Variants in DPYS observed in about 807,000 individuals in gnomAD.
The protein encoded by DPYS is dihydropyrimidine amidohydrolase.
DPYS carries 39 observed loss-of-function variants against 50.3 expected under a neutral mutation model. That is an observed-to-expected ratio of 0.78 (90% CI 0.60 to 1.01). The LOEUF is 1.01. DPYS is among the 50% of genes least tolerant of loss of function. DPYS has a pLI of 0.00. For synonymous variants in DPYS, 245 were observed against 250.7 expected, an observed-to-expected ratio of 0.98 and a Z score of 0.22; for missense variants, 659 against 680.9, an observed-to-expected ratio of 0.97 and a Z score of 0.36.
rs549914293 is a variant in DPYS at position 104,389,802 on chromosome 8, T to C, written c.1443+2982A>G. 2.0e-5 allele frequency among the ~76,000 whole-genome samples: 3 copies of C among 152,312 alleles called. No individual in the cohort carries two copies. In the East Asian group the frequency reaches 5.8e-4, roughly 29 times the overall value. ...TGCTCAAAACAGCACATGATAACTA[T>C]CATTTATTGGTATTTTTAAAACAAT... On this transcript the variant is annotated intron_variant, in intron 8 of 9. Coordinates refer to ENST00000351513, the MANE Select transcript of DPYS (RefSeq NM_001385.3).
At chr8:104,414,500 TA>T (rs374548162) in intron 7 of DPYS, among the ~76,000 whole-genome samples, 133 of 149,544 alleles carry the variant, frequency 8.9e-4, no homozygotes, top group African/African-American at 2.5e-3. Flanking sequence ...CCTCTGCTCT[TA>T]AAAAAAAAAT....
intron 1 of DPYS, among the ~76,000 whole-genome samples, chr8:104,455,354 A>T (rs922832749): frequency 2.0e-4 from 31 of 152,162 alleles, no homozygotes; most frequent in Non-Finnish European, 5.9e-5. Context: ...AATTAAGGTG[A>T]CTGGGGACCA....
chr8:104,420,672 T>C (rs960260646), intron 7 of DPYS: 2 of 135,138 alleles, frequency 1.5e-5, no homozygotes, highest in African/African-American at 5.6e-5. Context: ...ATCAATTCAA[T>C]ATACCCTGAG....
Position 104,394,843 on chromosome 8 carries a change from G to A in DPYS, c.1236-1852C>T, listed in dbSNP as rs118043279. ...GAGCATCTAGTATGTCAGGGAGATC[G>A]TTTATAACATCTTATTTCATCTTTA... On this transcript the variant is annotated intron_variant, in intron 7 of 9. Transcript: ENST00000351513. 7.2e-3 allele frequency among the ~76,000 whole-genome samples: 1,057 copies of A among 147,592 alleles called. 7 individuals are homozygous for A. The highest frequency in any genetic ancestry group is 8.9e-3 in the Non-Finnish European group (599 of 67,186).
intron 7 of DPYS, among the ~76,000 whole-genome samples, chr8:104,410,870 C>G (rs574329153): frequency 4.6e-5 from 7 of 152,222 alleles, no homozygotes; most frequent in African/African-American, 1.7e-4. Context: ...TCATTTGCCC[C>G]TGACTCCACC....
At chr8:104,394,937 T>G (rs1046956341) in intron 7 of DPYS, among the ~76,000 whole-genome samples, 2 of 151,214 alleles carry the variant, frequency 1.3e-5, no homozygotes, top group Non-Finnish European at 2.9e-5. Flanking sequence ...TTTAGAAAGG[T>G]TATATCACTT....
intron 2 of DPYS, among the ~76,000 whole-genome samples, chr8:104,449,963 A>AC (rs1167287894): frequency 6.6e-6 from 1 of 151,974 alleles, no homozygotes; most frequent in Non-Finnish European, 1.5e-5. Flanking sequence ...CAAACGAATA[A>AC]CCCCCCTGAA....
intron 7 of DPYS, among the ~76,000 whole-genome samples, chr8:104,415,832 T>C (rs1321681539): frequency 2.0e-5 from 3 of 152,182 alleles, no homozygotes; most frequent in Admixed American, 1.3e-4. Flanking sequence ...TATCTTTTGG[T>C]CCTGTCTGAA....
At chr8:104,428,571 G>A (rs549032277) in intron 5 of DPYS, among the ~76,000 whole-genome samples, 196 of 152,328 alleles carry the variant, frequency 1.3e-3, no homozygotes, top group African/African-American at 4.4e-3. Context: ...CAGGCCCTCC[G>A]GGGCAGTCCC....
Position 104,408,713 on chromosome 8 carries a change from C to G in DPYS, c.1235+15534G>C, listed in dbSNP as rs190172173. On this transcript the variant is annotated intron_variant, in intron 7 of 9. Coordinates refer to ENST00000351513, the MANE Select transcript of DPYS (RefSeq NM_001385.3). ...GACCTAACATTAAAAAAATTATATA[C>G]AGAGTCATTCCTTGAGGCCACTAGT... Among the ~76,000 whole-genome samples, 310 of 152,190 alleles carry G rather than the reference C, an allele frequency of 2.0e-3. 1 individual carries two copies. Among genetic ancestry groups the G allele is most frequent in the African/African-American group, 5.6e-3 (231 of 41,524 alleles).
At chr8:104,399,317 CA>C (rs1168182202) in intron 7 of DPYS, among the ~76,000 whole-genome samples, 39 of 125,298 alleles carry the variant, frequency 3.1e-4, no homozygotes, top group African/African-American at 8.7e-4. Context: ...AAAACAACAA[CA>C]AAAAAAAACC....
At chr8:104,466,526 C>T in intron 1 of DPYS, 131 bp downstream of exon 1, 6 of 1,095,674 alleles carry the variant, frequency 5.5e-6, no homozygotes, top group Non-Finnish European at 7.3e-6. Flanking sequence ...CGGGGCTGCG[C>T]TCCTTCCCGC....
intron 2 of DPYS, 102 bp downstream of exon 2, chr8:104,451,144 C>T (rs1813721562): frequency 1.4e-5 from 21 of 1,467,152 alleles, no homozygotes; most frequent in Non-Finnish European, 2.0e-5. Flanking sequence ...CCAGTTCTGT[C>T]CTCCTGTTGT....
At chr8:104,399,341 A>G (rs1371096822) in intron 7 of DPYS, among the ~76,000 whole-genome samples, 2 of 150,334 alleles carry the variant, frequency 1.3e-5, no homozygotes, top group African/African-American at 4.9e-5. Context: ...GAAAACCCAC[A>G]TCCAGGCTCT....
intron 8 of DPYS, among the ~76,000 whole-genome samples, chr8:104,387,287 T>G (rs1811242382): frequency 6.6e-6 from 1 of 152,204 alleles, no homozygotes; most frequent in Non-Finnish European, 1.5e-5. Flanking sequence ...ATATCTCAAT[T>G]TAATCCTTAA....
chr8:104,435,004 A>G (rs1283235107), intron 4 of DPYS, among the ~76,000 whole-genome samples: 1 of 152,198 alleles, frequency 6.6e-6, no homozygotes, highest in Non-Finnish European at 1.5e-5. Context: ...GCTTTGAGAA[A>G]TTGTCACCAT....
At chr8:104,457,745 A>C (rs11783979) in intron 1 of DPYS, among the ~76,000 whole-genome samples, 93,635 of 152,054 alleles carry the variant, frequency 0.62, 29,460 homozygotes, top group African/African-American at 0.74. Context: ...GTCCCAAATC[A>C]AGAAGCACAC....
At chr8:104,400,535 G>C (rs1364231446) in intron 7 of DPYS, among the ~76,000 whole-genome samples, 1 of 152,178 alleles carries the variant, frequency 6.6e-6, no homozygotes, top group Non-Finnish European at 1.5e-5. Flanking sequence ...CTAGGATTTT[G>C]GCCTGCTCTG....
At chr8:104,433,412 T>C (rs1813019047) in intron 4 of DPYS, among the ~76,000 whole-genome samples, 1 of 152,110 alleles carries the variant, frequency 6.6e-6, no homozygotes, top group Non-Finnish European at 1.5e-5. Flanking sequence ...TGTTCTGATG[T>C]TCATATGCAA....
Sources: allele counts gnomAD v4.1 joint callset (sites outside exome capture counted in the v4.1 genomes callset), GRCh38; gene constraint gnomAD v4.1.1; transcripts MANE v1.5; gene names NCBI Gene and HGNC (gene_info 2026-07-23, HGNC 2026-07-21).